The following RIMBP2 variants were observed in gnomAD, a reference collection of about 807,000 sequenced individuals.
RIMBP2 encodes the protein RIMS-binding protein 2.
In RIMBP2, 48 loss-of-function variants were observed where a neutral mutation model predicts 118.6. The ratio of observed to expected loss-of-function variants is 0.40; its 90% CI spans 0.32 to 0.51. The LOEUF (loss-of-function observed/expected upper bound fraction) is 0.51. Among genes scored for constraint, RIMBP2 ranks in the 20% least tolerant of loss-of-function variants. RIMBP2 has a pLI of 0.41. For missense variants in RIMBP2, 1,551 were observed against 1,768.3 expected, an observed-to-expected ratio of 0.88 and a Z score of 2.20; for synonymous variants, 762 against 742.9, an observed-to-expected ratio of 1.03 and a Z score of -0.42.
At chr12:130,676,783 C>T (rs1594189385) in intron 1 of RIMBP2, among the ~76,000 whole-genome samples, 1 of 152,190 alleles carries the variant, frequency 6.6e-6, no homozygotes, top group Non-Finnish European at 1.5e-5. Context: ...CCACAGGCTT[C>T]CTGCCGATCC....
At chr12:130,453,135 GC>G (rs1216760330) in intron 7 of RIMBP2, among the ~76,000 whole-genome samples, 1 of 152,236 alleles carries the variant, frequency 6.6e-6, no homozygotes, top group Non-Finnish European at 1.5e-5. Flanking sequence ...AGGAAAACTG[GC>G]TGCGCCAGGG....
At chr12:130,533,446 C>G (rs4759490) in intron 2 of RIMBP2, among the ~76,000 whole-genome samples, 51,498 of 152,104 alleles carry the variant, frequency 0.34, 9,658 homozygotes, top group Non-Finnish European at 0.42. Context: ...AACTCTTACA[C>G]ACTGATTTGG....
intron 1 of RIMBP2, among the ~76,000 whole-genome samples, chr12:130,664,435 G>A (rs1223465508): frequency 1.2e-4 from 7 of 56,384 alleles, no homozygotes; most frequent in African/African-American, 3.5e-4. Flanking sequence ...ACACATGCAT[G>A]CACGCACACA....
At chr12:130,415,626 T>C (rs61934556) in intron 17 of RIMBP2, among the ~76,000 whole-genome samples, 171 of 78,066 alleles carry the variant, frequency 2.2e-3, no homozygotes, top group South Asian at 0.014. Context: ...TCACTGATGA[T>C]ACGGCATCCA....
intron 14 of RIMBP2, 145 bp from the exon 15 acceptor site, chr12:130,428,482 G>A (rs1050202307): frequency 2.2e-5 from 16 of 736,540 alleles, no homozygotes; most frequent in South Asian, 6.4e-5. Flanking sequence ...TGTGTTACTC[G>A]TTCTGGAAAG....
intron 2 of RIMBP2, among the ~76,000 whole-genome samples, chr12:130,592,328 G>A (rs11061013): frequency 0.35 from 53,253 of 152,004 alleles, 10,614 homozygotes; most frequent in Admixed American, 0.5. Context: ...GAAGGGGAAC[G>A]AAATAGTGGT....
intron 1 of RIMBP2, among the ~76,000 whole-genome samples, chr12:130,646,168 C>T (rs1163520669): frequency 2.6e-5 from 2 of 78,004 alleles, no homozygotes; most frequent in African/African-American, 3.9e-5. Flanking sequence ...CCTCCCTCAC[C>T]ACCTGCCTCT....
At chr12:130,571,977 C>A (rs980175914) in intron 2 of RIMBP2, among the ~76,000 whole-genome samples, 1 of 152,222 alleles carries the variant, frequency 6.6e-6, no homozygotes, top group Non-Finnish European at 1.5e-5. Context: ...CCTGTCCCGG[C>A]GCCCTCGGTC....
At position 130,703,534 on chromosome 12, in the gene RIMBP2, A is replaced by T. The variant is rs2065958418; in HGVS notation, c.-352+12688T>A. The stretch of plus-strand genomic sequence containing the variant: ...GCTGCGACCACCCGGTGCTCAGCTC[A>T]GGGCTGAGCCGCAGTCTGAGGGCCG... On this transcript the variant is annotated intron_variant, in intron 1 of 22. Transcript: ENST00000690449. The surrounding 1 kb of genome is among the most constrained non-coding windows in gnomAD (Gnocchi z 5.7). Among the ~76,000 whole-genome samples the T allele has an allele frequency of 6.6e-6, 1 of 152,136 alleles. No homozygotes were observed. Among genetic ancestry groups the T allele is most frequent in the Admixed American group, 6.5e-5 (1 of 15,282 alleles).
intron 2 of RIMBP2, among the ~76,000 whole-genome samples, chr12:130,532,582 T>C (rs536290731): frequency 1.4e-5 from 2 of 143,906 alleles, no homozygotes; most frequent in African/African-American, 2.6e-5. Flanking sequence ...TGCGTATGTT[T>C]AGCCTCTAGG....
At chr12:130,554,307 C>G (rs1035532483) in intron 2 of RIMBP2, among the ~76,000 whole-genome samples, 1 of 152,124 alleles carries the variant, frequency 6.6e-6, no homozygotes, top group Non-Finnish European at 1.5e-5. Context: ...TAATTCAGTT[C>G]AACGTTTGCT....
chr12:130,480,744 G>GCA (rs2081922782), intron 4 of RIMBP2, among the ~76,000 whole-genome samples: 1 of 152,120 alleles, frequency 6.6e-6, no homozygotes, highest in African/African-American at 2.4e-5. Flanking sequence ...GGGATTACAG[G>GCA]TGCCCACCAC....
At chr12:130,681,284 A>T (rs1179723753) in intron 1 of RIMBP2, among the ~76,000 whole-genome samples, 1 of 144,508 alleles carries the variant, frequency 6.9e-6, no homozygotes. Context: ...TCTCTAAAAA[A>T]AAATAAAAAA....
intron 1 of RIMBP2, among the ~76,000 whole-genome samples, chr12:130,702,494 C>G (rs2065899103): frequency 6.9e-6 from 1 of 145,070 alleles, no homozygotes; most frequent in Non-Finnish European, 1.5e-5. Context: ...CCAGCCTGGG[C>G]AACAGAGCAA....
At chr12:130,428,432 G>A (rs2076935368) in intron 14 of RIMBP2, 95 bp from the exon 15 acceptor site, 1 of 1,331,524 alleles carries the variant, frequency 7.5e-7, no homozygotes, top group African/African-American at 1.5e-5. Context: ...CTGCTTCGCT[G>A]ACTCACGGGG....
intron 2 of RIMBP2, among the ~76,000 whole-genome samples, chr12:130,595,799 G>C (rs543836030): frequency 6.6e-6 from 1 of 152,322 alleles, no homozygotes; most frequent in Non-Finnish European, 1.5e-5. Context: ...GCAGGGGAGA[G>C]TGCAGCATGA....
chr12:130,608,394 T>C (rs1479936697), intron 2 of RIMBP2, among the ~76,000 whole-genome samples: 2 of 152,230 alleles, frequency 1.3e-5, no homozygotes, highest in African/African-American at 4.8e-5. Flanking sequence ...CTGATTTCTC[T>C]GGGCCCTTCA....
intron 1 of RIMBP2, among the ~76,000 whole-genome samples, chr12:130,674,740 C>A (rs1020155899): frequency 2.3e-4 from 35 of 152,236 alleles, no homozygotes; most frequent in African/African-American, 6.7e-4. Flanking sequence ...CAAGCCGAAA[C>A]CCCATATCCA....
chr12:130,541,878 T>C (rs1456171138), intron 2 of RIMBP2, among the ~76,000 whole-genome samples: 1 of 152,254 alleles, frequency 6.6e-6, no homozygotes, highest in African/African-American at 2.4e-5. Context: ...GGGATGCCTT[T>C]ATGTAAACTA....
Sources: gnomAD v4.1 joint callset for allele counts (sites outside exome capture counted in the v4.1 genomes callset) on GRCh38, gnomAD v4.1.1 for gene constraint, Gnocchi (gnomAD v3.1) non-coding constraint, MANE v1.5 for transcripts, NCBI Gene and HGNC (gene_info 2026-07-23, HGNC 2026-07-21) for gene names.